CCDC7: variants seen among roughly 807,000 people sequenced by gnomAD.
CCDC7 encodes coiled-coil domain-containing protein 7.
A neutral mutation model predicts 196.9 loss-of-function variants in CCDC7; 183 were observed. The ratio of observed to expected loss-of-function variants is 0.93; its 90% CI spans 0.82 to 1.05. The LOEUF (loss-of-function observed/expected upper bound fraction) is 1.05. Ranked by LOEUF, CCDC7 falls within the 50% of genes least tolerant of loss-of-function variation. The pLI is 0.00. For synonymous variants in CCDC7, 525 were observed against 484.6 expected (o/e 1.08, Z -1.10); for missense variants, 1,540 against 1,482.2 (o/e 1.04, Z -0.64).
intron 25 of CCDC7, among the ~76,000 whole-genome samples, chr10:32,720,904 C>A (rs2082312283): frequency 6.6e-6 from 1 of 152,056 alleles, no homozygotes; most frequent in African/African-American, 2.4e-5. Context: ...CCAGCCTGGG[C>A]AACATGGCAA....
At chr10:32,608,787 C>T (rs562356733) in intron 18 of CCDC7, among the ~76,000 whole-genome samples, 37 of 152,218 alleles carry the variant, frequency 2.4e-4, no homozygotes, top group Middle Eastern at 3.4e-3. Flanking sequence ...GTGATCCTCC[C>T]GCCTCAACCT....
chr10:32,726,767 A>T (rs1347393059), exon 26 of CCDC7: 1 of 1,603,370 alleles, frequency 6.2e-7, no homozygotes, highest in East Asian at 2.2e-5. Context: ...GTTCATCAAG[A>T]TTCAGTGTCA....
intron 8 of CCDC7, among the ~76,000 whole-genome samples, chr10:32,479,845 T>C (rs1588995824): frequency 6.6e-6 from 1 of 152,012 alleles, no homozygotes; most frequent in Non-Finnish European, 1.5e-5. Context: ...TTTCTTTTTT[T>C]TTTTTTAGTG....
intron 13 of CCDC7, among the ~76,000 whole-genome samples, chr10:32,544,757 G>A (rs1056629632): frequency 1.3e-5 from 2 of 152,134 alleles, no homozygotes; most frequent in African/African-American, 2.4e-5. Flanking sequence ...AAGATGCAAC[G>A]AAAAACTTCT....
chr10:32,667,739 G>C (rs935325761), intron 21 of CCDC7, among the ~76,000 whole-genome samples: 34 of 152,078 alleles, frequency 2.2e-4, no homozygotes, highest in Non-Finnish European at 1.0e-4. Flanking sequence ...TCTCTGTTTT[G>C]GTACCAGCAC....
chr10:32,463,136 T>C (rs1363073314), intron 5 of CCDC7, 87 bp downstream of exon 6: 1 of 1,512,542 alleles, frequency 6.6e-7, no homozygotes, highest in African/African-American at 1.4e-5. Context: ...TAAGTATGTA[T>C]AAGTCATTTT....
intron 28 of CCDC7, among the ~76,000 whole-genome samples, chr10:32,733,228 C>T (rs1351794395): frequency 1.3e-5 from 2 of 152,022 alleles, no homozygotes; most frequent in Admixed American, 6.6e-5. Flanking sequence ...ACTTTACATA[C>T]TCAGTCTATA....
At chr10:32,643,965 CTT>C (rs1435138785) in intron 20 of CCDC7, among the ~76,000 whole-genome samples, 4 of 151,602 alleles carry the variant, frequency 2.6e-5, no homozygotes, top group African/African-American at 4.8e-5. Flanking sequence ...TGAATGGAAA[CTT>C]TGATTTCTGG....
intron 9 of CCDC7, among the ~76,000 whole-genome samples, chr10:32,516,639 C>T (rs2047075975): frequency 6.6e-6 from 1 of 152,062 alleles, no homozygotes; most frequent in Non-Finnish European, 1.5e-5. Context: ...CACTTTACAC[C>T]CACTAGGATG....
intron 20 of CCDC7, among the ~76,000 whole-genome samples, chr10:32,648,806 T>C (rs1358779806): frequency 6.6e-6 from 1 of 152,224 alleles, no homozygotes; most frequent in Admixed American, 6.5e-5. Flanking sequence ...CACATGTATA[T>C]ATTCCTTTGA....
At chr10:32,843,004 TG>T (rs368236951) in intron 33 of CCDC7, among the ~76,000 whole-genome samples, 175 of 152,010 alleles carry the variant, frequency 1.2e-3, no homozygotes, top group African/African-American at 4.1e-3. Context: ...GCTCAGGTGA[TG>T]GGTGCCCCAA....
intron 41 of CCDC7, among the ~76,000 whole-genome samples, chr10:32,872,499 C>T (rs2094465003): frequency 6.6e-6 from 1 of 151,960 alleles, no homozygotes; most frequent in Non-Finnish European, 1.5e-5. Flanking sequence ...TCCAATTTGC[C>T]AGTCTGTGTC....
chr10:32,668,351 T>C (rs1446517334), intron 21 of CCDC7, among the ~76,000 whole-genome samples: 2 of 152,148 alleles, frequency 1.3e-5, no homozygotes, highest in African/African-American at 4.8e-5. Flanking sequence ...CCTAATTGAA[T>C]ACCCTTTATT....
Position 32,687,558 on chromosome 10 carries a change from A to G in CCDC7, c.2233+1478A>G, listed in dbSNP as rs540839433. ...TTTTGGTGGCTTCAGACCTCACACC[A>G]TATAGCATTATCTGTTTCACCCTCA... On this transcript the variant is annotated intron_variant, in intron 22 of 41. Transcript: ENST00000639629. Among the ~76,000 whole-genome samples, 216 of 152,310 alleles carry G rather than the reference A, an allele frequency of 1.4e-3. 1 individual carries two copies. Among genetic ancestry groups the G allele is most frequent in the African/African-American group, 4.9e-3 (205 of 41,562 alleles).
At chr10:32,846,492 T>G (rs774260959) in intron 37 of CCDC7, 33 bp downstream of exon 38, 3 of 1,358,202 alleles carry the variant, frequency 2.2e-6, no homozygotes, top group Non-Finnish European at 3.1e-6. Context: ...CTAATATTTG[T>G]GACCTATTTA....
chr10:32,452,259 G>T (rs1043684665), intron 1 of CCDC7, among the ~76,000 whole-genome samples: 2 of 152,148 alleles, frequency 1.3e-5, no homozygotes. Context: ...GAAAATTTCA[G>T]ACTCTCACAA....
chr10:32,833,433 C>T (rs939576818), intron 32 of CCDC7, among the ~76,000 whole-genome samples: 1 of 151,062 alleles, frequency 6.6e-6, no homozygotes, highest in Non-Finnish European at 1.5e-5. Flanking sequence ...GAGGATGTTA[C>T]GAAGAAGGAA....
intron 30 of CCDC7, among the ~76,000 whole-genome samples, chr10:32,807,300 A>G (rs559195030): frequency 6.6e-6 from 1 of 152,278 alleles, no homozygotes; most frequent in Admixed American, 6.5e-5. Flanking sequence ...TATTTACAGA[A>G]TTTTATTGCT....
At chr10:32,645,321 CATTT>C (rs2067564304) in intron 20 of CCDC7, among the ~76,000 whole-genome samples, 1 of 151,972 alleles carries the variant, frequency 6.6e-6, no homozygotes, top group East Asian at 1.9e-4. Flanking sequence ...TGATGTGTCA[CATTT>C]ATTTGTTTGT....
Sources: gnomAD v4.1 joint callset for allele counts (sites outside exome capture counted in the v4.1 genomes callset) on GRCh38, gnomAD v4.1.1 for gene constraint, MANE v1.5 for transcripts, NCBI Gene and HGNC (gene_info 2026-07-23, HGNC 2026-07-21) for gene names.